Variants in AFF4 observed in about 807,000 individuals in gnomAD.
The protein encoded by AFF4 is ALF transcription elongation factor 4.
In AFF4, 13 loss-of-function variants were observed where a neutral mutation model predicts 124.8. The ratio of observed to expected loss-of-function variants is 0.10; its 90% CI spans 0.07 to 0.17. The LOEUF is 0.17. Ranked by LOEUF, AFF4 falls within the 10% of genes least tolerant of loss-of-function variation. AFF4 has a pLI of 1.00. For missense variants in AFF4, 1,092 were observed against 1,403.8 expected (o/e 0.78, Z 3.55); for synonymous variants, 477 against 496.1 (o/e 0.96, Z 0.51).
chr5:132,938,700 T>G (rs1338752561), intron 1 of AFF4, among the ~76,000 whole-genome samples: 3 of 151,572 alleles, frequency 2.0e-5, no homozygotes, highest in Admixed American at 6.6e-5. Context: ...ACCCAGCACT[T>G]TGGGAGGCCG....
At chr5:132,888,229 T>A in intron 14 of AFF4, 69 bp from the exon 15 acceptor site, 1 of 1,206,084 alleles carries the variant, frequency 8.3e-7, no homozygotes, top group Non-Finnish European at 1.2e-6. Context: ...TTTCAGTATC[T>A]AGTATCCCTC....
At position 132,949,209 on chromosome 5, in the gene AFF4, CTTT is replaced by C. The variant is rs368713051; in HGVS notation, c.-4-12019_-4-12017del. On this transcript the variant is annotated intron_variant, in intron 1 of 20. Transcript: ENST00000265343. ...TTCAGGATGAAAATCTTATTTCTGCCTTTTTTTTTTTTTTTTTTTTTGAGATGG... is the reference window on the plus strand; with the variant it reads ...TTCAGGATGAAAATCTTATTTCTGCCTTTTTTTTTTTTTTTTTTGAGATGG... Among the ~76,000 whole-genome samples, 1,038 of 112,164 alleles carry C rather than the reference CTTT, an allele frequency of 9.3e-3. 10 individuals carry two copies. The highest frequency in any genetic ancestry group is 0.03 in the Middle Eastern group (6 of 198). The allele number at this position is 112,164 out of a possible 152,430, so 73.6% of individuals were successfully genotyped here. A position where few individuals can be genotyped will look rare whatever the true frequency, so the allele number is the denominator to read the frequency against.
intron 4 of AFF4, among the ~76,000 whole-genome samples, chr5:132,929,065 A>G (rs1761243837): frequency 6.6e-6 from 1 of 152,162 alleles, no homozygotes; most frequent in Admixed American, 6.5e-5. Context: ...TTTTCAATAA[A>G]TATACATTTA....
intron 7 of AFF4, chr5:132,901,145 T>C (rs1041632343): frequency 1.0e-6 from 1 of 985,228 alleles, no homozygotes; most frequent in Non-Finnish European, 1.2e-6. Context: ...TAAGGAAATG[T>C]ACTTAGTCTG....
chr5:132,955,449 T>C (rs1195058009), intron 1 of AFF4, among the ~76,000 whole-genome samples: 3 of 152,162 alleles, frequency 2.0e-5, no homozygotes, highest in Admixed American at 1.3e-4. Flanking sequence ...CAGACGGTAA[T>C]GCTCACTTGC....
At chr5:132,915,460 G>A (rs1760887614) in intron 5 of AFF4, among the ~76,000 whole-genome samples, 1 of 151,864 alleles carries the variant, frequency 6.6e-6, no homozygotes, top group African/African-American at 2.4e-5. Flanking sequence ...ACCAAAACAA[G>A]GCAAGGATAT....
At chr5:132,925,676 A>G (rs1761154362) in intron 5 of AFF4, among the ~76,000 whole-genome samples, 1 of 152,228 alleles carries the variant, frequency 6.6e-6, no homozygotes, top group Admixed American at 6.5e-5. Flanking sequence ...AAATATGTAA[A>G]GATGATGAAC....
At chr5:132,944,655 T>G (rs67652061) in intron 1 of AFF4, among the ~76,000 whole-genome samples, 17,497 of 150,312 alleles carry the variant, frequency 0.12, 1,277 homozygotes, top group South Asian at 0.2. Context: ...TCAAAAAATT[T>G]AAAATTGGCT....
intron 1 of AFF4, among the ~76,000 whole-genome samples, chr5:132,952,763 T>C (rs1761874807): frequency 1.3e-5 from 2 of 152,090 alleles, no homozygotes; most frequent in African/African-American, 4.8e-5. Context: ...CTGGGCATAG[T>C]GGTGCATGCC....
intron 18 of AFF4, 130 bp downstream of exon 18, chr5:132,886,165 AAACCTCAAACTTATT>A: frequency 1.5e-6 from 1 of 674,954 alleles, no homozygotes; most frequent in South Asian, 1.9e-5. Flanking sequence ...AAACTCAAAG[AAACCTCAAACTTATT>A]TGAAAAGTCC....
intron 17 of AFF4, among the ~76,000 whole-genome samples, chr5:132,886,779 C>T (rs1463966970): frequency 6.6e-6 from 1 of 152,190 alleles, no homozygotes. Context: ...CAAACCACAA[C>T]ATAGCTTATA....
In AFF4 at chr5:132,896,795, T is replaced by A; in HGVS notation, c.1835A>T (p.Asn612Ile). 6.2e-7 allele frequency: 1 copy of A among 1,614,160 alleles called. No individual in the cohort carries two copies. Among genetic ancestry groups the A allele is most frequent in the Non-Finnish European group, 8.5e-7 (1 of 1,180,018 alleles). Residue 612 changes from asparagine (N) to isoleucine (I), a missense_variant, in exon 11 of 21, where the codon AAT becomes ATT. Asn to Ile is a moderately radical substitution (Grantham distance 149, BLOSUM62 -3). Coordinates refer to ENST00000265343, the MANE Select transcript of AFF4 (RefSeq NM_014423.4). ...GGAAGACTTAGACTCCTTCTTTATA[T>A]TGGGTTTCCTTGAGCCTTTGGTGGC... ...KAATKGSRKPNIKKESKSSPR... is the reference protein window; with the variant it reads ...KAATKGSRKPIIKKESKSSPR...
chr5:132,902,517 A>G (rs755725748), intron 6 of AFF4, 30 bp from the exon 7 acceptor site: 1 of 1,520,274 alleles, frequency 6.6e-7, no homozygotes, highest in Non-Finnish European at 9.1e-7. Context: ...GTGAGCAACT[A>G]AAGGATGGCT....
intron 5 of AFF4, among the ~76,000 whole-genome samples, chr5:132,925,292 C>G (rs1470785045): frequency 6.6e-6 from 1 of 151,774 alleles, no homozygotes; most frequent in East Asian, 1.9e-4. Flanking sequence ...ATTTTTAAAT[C>G]TACCTGACAT....
At chr5:132,959,913 T>A (rs1178373716) in intron 1 of AFF4, among the ~76,000 whole-genome samples, 1 of 151,866 alleles carries the variant, frequency 6.6e-6, no homozygotes, top group Non-Finnish European at 1.5e-5. Context: ...TACAGGCGCC[T>A]GCCACCACAC....
intron 1 of AFF4, among the ~76,000 whole-genome samples, chr5:132,941,729 C>T (rs560533117): frequency 3.3e-5 from 5 of 152,156 alleles, no homozygotes; most frequent in African/African-American, 1.2e-4. Flanking sequence ...AGCAATTGGC[C>T]AGGCGCGGTG....
At chr5:132,957,725 C>T (rs1181757905) in intron 1 of AFF4, among the ~76,000 whole-genome samples, 1 of 151,870 alleles carries the variant, frequency 6.6e-6, no homozygotes, top group African/African-American at 2.4e-5. Flanking sequence ...GTGCAAGACT[C>T]CATCTCAAAT....
At chr5:132,939,201 A>C (rs1316895533) in intron 1 of AFF4, among the ~76,000 whole-genome samples, 1 of 141,506 alleles carries the variant, frequency 7.1e-6, no homozygotes, top group Non-Finnish European at 1.5e-5. Flanking sequence ...TGGGAGACAG[A>C]ACGAGACCCT....
At chr5:132,929,547 G>A (rs1456104893) in intron 4 of AFF4, among the ~76,000 whole-genome samples, 3 of 152,006 alleles carry the variant, frequency 2.0e-5, no homozygotes, top group South Asian at 2.1e-4. Context: ...AATCTGATAC[G>A]GGGGAAGAAG....
Sources: gnomAD v4.1 joint callset for allele counts (sites outside exome capture counted in the v4.1 genomes callset) on GRCh38, gnomAD v4.1.1 for gene constraint, MANE v1.5 for transcripts, NCBI Gene and HGNC (gene_info 2026-07-23, HGNC 2026-07-21) for gene names.